The following BIN1 variants were observed in gnomAD, a reference collection of about 807,000 sequenced individuals.
BIN1 encodes bridging integrator 1, also known as myc box-dependent-interacting protein 1.
In BIN1, 53 loss-of-function variants were observed where a neutral mutation model predicts 82.0. The ratio of observed to expected loss-of-function variants is 0.65; its 90% CI spans 0.52 to 0.81. The LOEUF (loss-of-function observed/expected upper bound fraction) is 0.81. BIN1 is among the 40% of genes least tolerant of loss of function. The probability of loss-of-function intolerance (pLI) is 0.00; values close to 1 mark genes in which losing one functional copy is unlikely to be tolerated. For synonymous variants in BIN1, 302 were observed against 328.0 expected, an observed-to-expected ratio of 0.92 and a Z score of 0.86; for missense variants, 642 against 784.4, an observed-to-expected ratio of 0.82 and a Z score of 2.17.
intron 14 of BIN1, 178 bp from the exon 15 acceptor site, chr2:127,052,540 T>A: frequency 1.6e-6 from 1 of 614,314 alleles, no homozygotes. Flanking sequence ...CTCCTACCAC[T>A]GTCAAAGGGA....
At chr2:127,099,607 G>A (rs896183867) in intron 1 of BIN1, among the ~76,000 whole-genome samples, 3 of 151,940 alleles carry the variant, frequency 2.0e-5, no homozygotes, top group African/African-American at 4.8e-5. Context: ...GCCGCCTCCC[G>A]GGTTCAAGCG....
At chr2:127,079,490 T>C (rs115247629) in intron 1 of BIN1, among the ~76,000 whole-genome samples, 1,529 of 152,302 alleles carry the variant, frequency 0.01, 17 homozygotes, top group African/African-American at 0.036. Flanking sequence ...CATCCCAAGA[T>C]GTGAGACAGA....
chr2:127,101,115 CCCT>C (rs1205780052), intron 1 of BIN1, among the ~76,000 whole-genome samples: 1 of 151,512 alleles, frequency 6.6e-6, no homozygotes, highest in Non-Finnish European at 1.5e-5. Context: ...ATCTTTGACA[CCCT>C]CCTCCTCTCC....
intron 9 of BIN1, among the ~76,000 whole-genome samples, chr2:127,063,130 C>T (rs980671773): frequency 2.0e-5 from 3 of 152,240 alleles, no homozygotes; most frequent in African/African-American, 7.2e-5. Context: ...CAGACCCTGT[C>T]GCACAGTGGA....
chr2:127,100,050 C>T (rs1438207763), intron 1 of BIN1, among the ~76,000 whole-genome samples: 3 of 152,166 alleles, frequency 2.0e-5, no homozygotes, highest in Non-Finnish European at 4.4e-5. Context: ...GGGATCCACC[C>T]GTCTCGGCCT....
Position 127,067,217 on chromosome 2 carries a change from C to G in BIN1, c.612+946G>C, listed in dbSNP as rs561952486. On this transcript the variant is annotated intron_variant, in intron 7 of 18. Transcript: ENST00000316724. This position sits in a 1 kb window ranked among gnomAD's most constrained non-coding sequence, Gnocchi z 4.7. ...GGCAGCTGCCCAGAGAGAAACCCAACCTCCGGGGCCGGGCCCCTATCGCCA... is the reference window on the plus strand; with the variant it reads ...GGCAGCTGCCCAGAGAGAAACCCAAGCTCCGGGGCCGGGCCCCTATCGCCA... Among the ~76,000 whole-genome samples the G allele has an allele frequency of 7.2e-5, 11 of 152,306 alleles. No homozygotes were observed. In the South Asian group the frequency reaches 1.0e-3, roughly 14 times the overall value.
intron 12 of BIN1, chr2:127,054,398 C>A (rs917946127): frequency 1.6e-5 from 5 of 318,268 alleles, no homozygotes; most frequent in African/African-American, 1.1e-4. Context: ...AATGCCCGAA[C>A]CTCCTCTCCG....
chr2:127,077,197 C>T (rs990295963), intron 1 of BIN1, among the ~76,000 whole-genome samples: 1 of 152,212 alleles, frequency 6.6e-6, no homozygotes, highest in Non-Finnish European at 1.5e-5. Flanking sequence ...CAGGAGCCAT[C>T]CCGGAACAAG....
chr2:127,084,809 T>C (rs1257180480), intron 1 of BIN1, among the ~76,000 whole-genome samples: 10 of 152,150 alleles, frequency 6.6e-5, no homozygotes, highest in African/African-American at 1.4e-4. Context: ...TCTGAGCCCA[T>C]TGCAGTGTTC....
At chr2:127,100,862 C>G (rs540439054) in intron 1 of BIN1, among the ~76,000 whole-genome samples, 13 of 152,256 alleles carry the variant, frequency 8.5e-5, no homozygotes, top group Non-Finnish European at 1.3e-4. Flanking sequence ...GGAGCCCCAC[C>G]TGAGTGGGCA....
Position 127,093,749 on chromosome 2 carries a change from G to A in BIN1, c.84+13111C>T, listed in dbSNP as rs935226775. On this transcript the variant is annotated intron_variant, in intron 1 of 18. Coordinates refer to ENST00000316724, the MANE Select transcript of BIN1 (RefSeq NM_139343.3). This position sits in a 1 kb window ranked among gnomAD's most constrained non-coding sequence, Gnocchi z 5.7. ...TTGGAAACCTGTCTTTCGTTAGAGC[G>A]GTGTCAGCTGTGGCCCTTATGATGG... is the stretch of plus-strand genomic sequence containing the variant. 1.3e-5 allele frequency among the ~76,000 whole-genome samples: 2 copies of A among 152,192 alleles called. No homozygotes were observed. The highest frequency in any genetic ancestry group is 6.5e-5 in the Admixed American group (1 of 15,276).
rs757885823 is a variant in BIN1, at chr2:127,050,929, G to C, written c.1462-17C>G. ...AAGAGAGCTCTGGTGGCAGAGGTACGGGTCAGCTGAGCAGGGAGGTGGTCC... is the reference window on the plus strand; with the variant it reads ...AAGAGAGCTCTGGTGGCAGAGGTACCGGTCAGCTGAGCAGGGAGGTGGTCC... On this transcript the variant is annotated splice_polypyrimidine_tract_variant and intron_variant, in intron 16 of 18. Coordinates refer to ENST00000316724, the MANE Select transcript of BIN1 (RefSeq NM_139343.3). 1 of 1,610,906 alleles carries C rather than the reference G, an allele frequency of 6.2e-7. No homozygotes were observed. Among genetic ancestry groups the C allele is most frequent in the Non-Finnish European group, 8.5e-7 (1 of 1,177,242 alleles).
At position 127,059,797 on chromosome 2, in the gene BIN1, G is replaced by A. The variant is rs1381711187; in HGVS notation, c.858-642C>T. Among the ~76,000 whole-genome samples the A allele has an allele frequency of 1.3e-5, 2 of 152,164 alleles. No homozygotes were observed. The highest frequency in any genetic ancestry group is 2.9e-5 in the Non-Finnish European group (2 of 68,024). ...GACAGGTCCTGAGCCATGGCGTTCA[G>A]TGCCAGAACCCAAGGCGGAGGTGGT... On this transcript the variant is annotated intron_variant, in intron 10 of 18. Coordinates refer to ENST00000316724, the MANE Select transcript of BIN1 (RefSeq NM_139343.3). This position sits in a 1 kb window ranked among gnomAD's most constrained non-coding sequence, Gnocchi z 6.7.
At chr2:127,073,025 TC>T (rs1164346877) in intron 2 of BIN1, among the ~76,000 whole-genome samples, 4 of 151,888 alleles carry the variant, frequency 2.6e-5, no homozygotes, top group South Asian at 2.1e-4. Context: ...CGTCCCCACC[TC>T]CCCCCCACAG....
At chr2:127,072,403 C>T (rs1029574756) in intron 2 of BIN1, among the ~76,000 whole-genome samples, 32 of 152,190 alleles carry the variant, frequency 2.1e-4, no homozygotes, top group Non-Finnish European at 3.5e-4. Flanking sequence ...AGAGGGTCAG[C>T]GACCGGCCCA....
Position 127,053,648 on chromosome 2 carries a change from C to T in BIN1, c.1240-203G>A. Reference sequence around the variant, plus strand: ...CTCAGGGAGCTTCAAGACCCCAAGCCAGGATGCTTCTGCCCCAAGCGATGA... The same window carrying T: ...CTCAGGGAGCTTCAAGACCCCAAGCTAGGATGCTTCTGCCCCAAGCGATGA... On this transcript the variant is annotated intron_variant, in intron 13 of 18. Transcript: ENST00000316724. 5.2e-6 allele frequency: 4 copies of T among 763,974 alleles called. No individual in the cohort carries two copies. In the South Asian group the frequency reaches 6.3e-5, roughly 12 times the overall value. 47.3% of individuals were successfully genotyped at this position (763,974 alleles called of 1,614,324 possible).
rs554112813 is a variant in BIN1, at chr2:127,073,899, C to T, written c.165+2727G>A. On this transcript the variant is annotated intron_variant, in intron 2 of 18. Coordinates refer to ENST00000316724, the MANE Select transcript of BIN1 (RefSeq NM_139343.3). ...ACTCTGGGGGAGGGGCAAGCAGGCC[C>T]CCATGGGCTCTCAGAGCAGGGGCAG... 2.9e-3 allele frequency among the ~76,000 whole-genome samples: 438 copies of T among 152,278 alleles called. 4 individuals are homozygous for T. The highest frequency in any genetic ancestry group is 0.01 in the African/African-American group (417 of 41,574).
At chr2:127,079,501 A>T (rs1687031173) in intron 1 of BIN1, among the ~76,000 whole-genome samples, 2 of 152,220 alleles carry the variant, frequency 1.3e-5, no homozygotes, top group African/African-American at 4.8e-5. Context: ...GTGAGACAGA[A>T]GTCACAGACG....
chr2:127,048,998 T>C (rs1682526951), intron 18 of BIN1, among the ~76,000 whole-genome samples: 1 of 152,248 alleles, frequency 6.6e-6, no homozygotes, highest in Non-Finnish European at 1.5e-5. Context: ...CTAGAGGGAC[T>C]TGGGGCCATC....
Sources: gnomAD v4.1 joint callset for allele counts (sites outside exome capture counted in the v4.1 genomes callset) on GRCh38, gnomAD v4.1.1 for gene constraint, Gnocchi (gnomAD v3.1) non-coding constraint, MANE v1.5 for transcripts, NCBI Gene and HGNC (gene_info 2026-07-23, HGNC 2026-07-21) for gene names.